Variants in TECPR2 observed in about 807,000 individuals in gnomAD.
TECPR2 encodes the protein tectonin beta-propeller repeat-containing protein 2.
TECPR2 carries 65 observed loss-of-function variants against 138.1 expected under a neutral mutation model. The observed-to-expected ratio is 0.47, with a 90% CI of 0.39 to 0.58. The LOEUF is 0.58. Among genes scored for constraint, TECPR2 ranks in the 20% least tolerant of loss-of-function variants. The pLI, the probability that TECPR2 is intolerant of heterozygous loss-of-function variation, is 0.00. For missense variants in TECPR2, 1,553 were observed against 1,824.5 expected (o/e 0.85, Z 2.71); for synonymous variants, 746 against 749.8 (o/e 0.99, Z 0.08).
At chr14:102,366,972 G>T (rs185522169) in intron 1 of TECPR2, among the ~76,000 whole-genome samples, 15 of 152,268 alleles carry the variant, frequency 9.9e-5, no homozygotes, top group Admixed American at 5.2e-4. Flanking sequence ...CAGTTGAGAA[G>T]AAGCCAGATA....
chr14:102,366,639 G>A (rs1222320553), intron 1 of TECPR2, among the ~76,000 whole-genome samples: 1 of 152,190 alleles, frequency 6.6e-6, no homozygotes, highest in Non-Finnish European at 1.5e-5. Flanking sequence ...GAGCCATCAT[G>A]CCCAGCCCAA....
At position 102,363,104 on chromosome 14, in the gene TECPR2, G is replaced by A. The variant is rs1231560487; in HGVS notation, c.-85G>A. 3 of 417,770 alleles carry A rather than the reference G, an allele frequency of 7.2e-6. No homozygotes were observed. Among genetic ancestry groups the A allele is most frequent in the Admixed American group, 9.1e-5 (2 of 22,094 alleles). The allele number at this position is 417,770 out of a possible 1,614,324, so 25.9% of individuals were successfully genotyped here. A position where few individuals can be genotyped will look rare whatever the true frequency, so the allele number is the denominator to read the frequency against. Reference sequence around the variant, plus strand: ...CGGCGGGGCCGACGAGTCCGGAGGGGCTGCCGCGGGAGGTGAGTCCGGCGA... The same window carrying A: ...CGGCGGGGCCGACGAGTCCGGAGGGACTGCCGCGGGAGGTGAGTCCGGCGA... On this transcript the variant is annotated 5_prime_UTR_variant, in exon 1 of 20. Transcript: ENST00000359520.
chr14:102,368,515 G>A (rs1293333968), intron 1 of TECPR2, among the ~76,000 whole-genome samples: 2 of 151,876 alleles, frequency 1.3e-5, no homozygotes, highest in African/African-American at 4.8e-5. Flanking sequence ...TTTTAAAATT[G>A]TCTTTTTATT....
intron 13 of TECPR2, 61 bp from the exon 14 acceptor site, chr14:102,449,567 GC>G (rs1890082640): frequency 6.3e-7 from 1 of 1,597,500 alleles, no homozygotes; most frequent in Admixed American, 1.7e-5. Context: ...TTCCCTCAAG[GC>G]AGAGAGTCTA....
intron 2 of TECPR2, among the ~76,000 whole-genome samples, chr14:102,393,425 A>T (rs1256463685): frequency 1.3e-5 from 2 of 152,240 alleles, no homozygotes; most frequent in African/African-American, 2.4e-5. Flanking sequence ...TATGACATTT[A>T]TTAATAATCA....
At chr14:102,436,214 C>T (rs1889666159) in intron 9 of TECPR2, among the ~76,000 whole-genome samples, 1 of 152,188 alleles carries the variant, frequency 6.6e-6, no homozygotes, top group Non-Finnish European at 1.5e-5. Context: ...GCCCCAGGAC[C>T]CCCTCACTCA....
chr14:102,447,430 G>T (rs1890013124), intron 13 of TECPR2, among the ~76,000 whole-genome samples: 1 of 152,132 alleles, frequency 6.6e-6, no homozygotes, highest in South Asian at 2.1e-4. Flanking sequence ...TTTCAAAGGA[G>T]TGTCTACTTT....
rs1889899486 is a variant in TECPR2 at position 102,443,800 on chromosome 14, G to A, written c.2906G>A (p.Gly969Asp). 1 of 1,597,920 alleles carries A rather than the reference G, an allele frequency of 6.3e-7. No homozygotes were observed. The highest frequency in any genetic ancestry group is 1.7e-5 in the Admixed American group (1 of 58,782). Residue 969 changes from glycine (G) to aspartate (D), a missense_variant, in exon 12 of 20, where the codon GGC (glycine) becomes GAC (aspartate). Transcript: ENST00000359520. The surrounding 1 kb of genome is among the most constrained non-coding windows in gnomAD (Gnocchi z 4.9). ...REGVSSFCPE[G>D]EQWKCDIVSE... ...GGCGTGAGCAGCTTCTGTCCGGAAG[G>A]CGAGCAGTGGAAGTGTGACATTGTC...
rs373876214 is a variant in TECPR2, at chr14:102,449,799, G to C, written c.3246G>C (p.Gly1082=). 53 of 1,614,010 alleles carry C rather than the reference G, an allele frequency of 3.3e-5. No homozygotes were observed. In the African/African-American group the frequency reaches 5.5e-4, roughly 17 times the overall value. The change falls in exon 14 of 20, where the codon GGG becomes GGC. Residue 1082 remains glycine, a synonymous_variant. Transcript: ENST00000359520. ...QQLQCQPSLL[G]VNNSGVWISS... ...TTCAGTGCCAGCCAAGCCTTCTCGGGGTCAATAACAGCGGTGTCTGGATCT... is the reference window on the plus strand; with the variant it reads ...TTCAGTGCCAGCCAAGCCTTCTCGGCGTCAATAACAGCGGTGTCTGGATCT...
chr14:102,388,664 T>C (rs1045916443), intron 2 of TECPR2, among the ~76,000 whole-genome samples: 1 of 147,960 alleles, frequency 6.8e-6, no homozygotes, highest in African/African-American at 2.5e-5. Flanking sequence ...CTGTCTCTAC[T>C]AAAAATACAA....
At chr14:102,479,639 T>C (rs548841250) in intron 17 of TECPR2, among the ~76,000 whole-genome samples, 41 of 152,316 alleles carry the variant, frequency 2.7e-4, no homozygotes, top group African/African-American at 9.6e-4. Context: ...GGAGTGGACA[T>C]GGGGACTCTG....
chr14:102,432,105 GGAAGAA>G lies in TECPR2; in HGVS notation c.1409_1414del (p.Lys470_Lys471del), dbSNP rs572609303. The G allele has an allele frequency of 1.1e-5, 18 of 1,590,762 alleles. No homozygotes were observed. Among genetic ancestry groups the G allele is most frequent in the South Asian group, 2.2e-5 (2 of 89,624 alleles). On this transcript the variant is annotated inframe_deletion, in exon 8 of 20. Transcript: ENST00000359520. ...GTCGTGAAGCCTATCAAAGTGAAAA[GGAAGAA>G]GAAGAAGAAGAAGACAGGTACCCTC...
intron 18 of TECPR2, 65 bp from the exon 19 acceptor site, chr14:102,497,505 G>T: frequency 7.0e-7 from 1 of 1,420,514 alleles, no homozygotes; most frequent in South Asian, 1.7e-5. Flanking sequence ...ACAAGAGTCG[G>T]CTTGGGAAGC....
chr14:102,435,731 C>T (rs1055419596), intron 9 of TECPR2, among the ~76,000 whole-genome samples: 16 of 152,202 alleles, frequency 1.1e-4, no homozygotes, highest in Non-Finnish European at 1.9e-4. Context: ...GGCTCCCCTG[C>T]GAGCTGTACA....
chr14:102,485,789 G>A (rs549457864), intron 17 of TECPR2, among the ~76,000 whole-genome samples: 1 of 152,312 alleles, frequency 6.6e-6, no homozygotes, highest in South Asian at 2.1e-4. Context: ...CATCCAGAAG[G>A]TGCTTCCCCG....
intron 16 of TECPR2, among the ~76,000 whole-genome samples, chr14:102,457,010 C>T (rs1236041149): frequency 1.3e-5 from 2 of 152,166 alleles, no homozygotes; most frequent in South Asian, 4.1e-4. Context: ...AGGCCAGGGG[C>T]ACCAGGTGTT....
In TECPR2 at chr14:102,408,510, G is replaced by C; in HGVS notation, c.371G>C (p.Gly124Ala). Residue 124 changes from glycine to alanine, a missense_variant, in exon 4 of 20, where the codon GGT (glycine) becomes GCT (alanine). By Grantham distance (60) the Gly-to-Ala change is moderately conservative. Coordinates refer to ENST00000359520, the MANE Select transcript of TECPR2 (RefSeq NM_014844.5). ...NKQLRRFDVT[G>A]IHKNSITALA... ...TAGCTTCGGAGATTTGATGTCACTG[G>C]TATTCACAAAAATAGCATTACAGCT... The C allele has an allele frequency of 6.2e-7, 1 of 1,608,172 alleles. No individual in the cohort carries two copies. Among genetic ancestry groups the C allele is most frequent in the South Asian group, 1.1e-5 (1 of 89,320 alleles).
At chr14:102,378,539 G>A (rs1459971588) in intron 2 of TECPR2, among the ~76,000 whole-genome samples, 2 of 152,150 alleles carry the variant, frequency 1.3e-5, no homozygotes, top group Non-Finnish European at 2.9e-5. Flanking sequence ...TGAAGAGAGG[G>A]TAGGTGACTT....
At chr14:102,364,662 A>G (rs1887294418) in intron 1 of TECPR2, among the ~76,000 whole-genome samples, 1 of 152,204 alleles carries the variant, frequency 6.6e-6, no homozygotes. Context: ...TGTCTTTTTC[A>G]ATAGAAGACT....
Sources: gnomAD v4.1 joint callset for allele counts (sites outside exome capture counted in the v4.1 genomes callset) on GRCh38, gnomAD v4.1.1 for gene constraint, Gnocchi (gnomAD v3.1) non-coding constraint, MANE v1.5 for transcripts, NCBI Gene and HGNC (gene_info 2026-07-23, HGNC 2026-07-21) for gene names.